Variants in ZNF28 observed in about 807,000 individuals in gnomAD.
ZNF28 encodes zinc finger protein 28.
In ZNF28, 5 loss-of-function variants were observed where a neutral mutation model predicts 7.2. The ratio of observed to expected loss-of-function variants is 0.70; its 90% CI spans 0.36 to 1.46. The LOEUF is 1.46. ZNF28 is among the 40% of genes most tolerant of loss of function. ZNF28 has a pLI of 0.03. For synonymous variants in ZNF28, 288 were observed against 292.4 expected (o/e 0.99, Z 0.15); for missense variants, 879 against 866.6 (o/e 1.01, Z -0.18).
Position 52,801,557 on chromosome 19 carries a change from G to A in ZNF28, c.288C>T (p.Gly96=), listed in dbSNP as rs2062871452. 6.2e-7 allele frequency: 1 copy of A among 1,614,188 alleles called. No individual in the cohort carries two copies. The highest frequency in any genetic ancestry group is 1.7e-5 in the Admixed American group (1 of 60,026). ...CFQKIEKDIH[G]FQFQWKEDET... is the part of the protein sequence containing the mutation. Reference sequence around the variant, plus strand: ...CATCTTCTTTCCACTGAAACTGGAAGCCATGAATGTCTTTCTCAATTTTCT... The same window carrying A: ...CATCTTCTTTCCACTGAAACTGGAAACCATGAATGTCTTTCTCAATTTTCT... The change falls in exon 4 of 4, where the codon GGC becomes GGT. Residue 96 remains glycine, a synonymous_variant. Coordinates refer to ENST00000457749, the MANE Select transcript of ZNF28 (RefSeq NM_006969.5).
chr19:52,817,902 A>C (rs1233587830), intron 2 of ZNF28, 42 bp downstream of exon 2: 5 of 1,609,286 alleles, frequency 3.1e-6, no homozygotes, highest in Non-Finnish European at 4.2e-6. Flanking sequence ...AGCGTTTCTG[A>C]AAGGAAGGAG....
chr19:52,800,158 T>G lies in ZNF28; in HGVS notation c.1687A>C (p.Lys563Gln), dbSNP rs779799240. The change falls in exon 4 of 4, where the codon AAA (lysine) becomes CAA (glutamine). Residue 563 changes from lysine to glutamine, a missense_variant. Transcript: ENST00000457749. ...CEECEKVFSR[K>Q]SHMERHRRIH... ...CTCCTATGTCTTTCCATGTGTGATT[T>G]GCGACTGAAAACTTTCTCACATTCT... is the stretch of plus-strand genomic sequence containing the variant. The G allele has an allele frequency of 1.2e-6, 2 of 1,613,724 alleles. No homozygotes were observed. The highest frequency in any genetic ancestry group is 3.3e-5 in the Admixed American group (2 of 59,966).
At chr19:52,807,569 G>C (rs948069171) in intron 3 of ZNF28, among the ~76,000 whole-genome samples, 5 of 152,140 alleles carry the variant, frequency 3.3e-5, no homozygotes, top group African/African-American at 1.2e-4. Context: ...TGGCCTCCTG[G>C]GTTCAAGTAA....
At position 52,799,956 on chromosome 19, in the gene ZNF28, G is replaced by A; in HGVS notation, c.1889C>T (p.Thr630Ile). Residue 630 changes from threonine (T) to isoleucine (I), a missense_variant, in exon 4 of 4, where the codon ACT (threonine) becomes ATT (isoleucine). Thr to Ile is a moderately conservative substitution (Grantham distance 89). Transcript: ENST00000457749. ...SSLIIHRRLH[T>I]GEKPYKCNEC... is the part of the protein sequence containing the mutation. The stretch of plus-strand genomic sequence containing the variant: ...ATTACACTTGTAAGGTTTCTCTCCA[G>A]TATGAAGCCTACGATGGATTATAAG... 6.2e-7 allele frequency: 1 copy of A among 1,612,848 alleles called. No homozygotes were observed. Among genetic ancestry groups the A allele is most frequent in the Non-Finnish European group, 8.5e-7 (1 of 1,179,668 alleles).
At chr19:52,816,062 A>T (rs2063120484) in intron 2 of ZNF28, among the ~76,000 whole-genome samples, 1 of 147,452 alleles carries the variant, frequency 6.8e-6, no homozygotes, top group Non-Finnish European at 1.5e-5. Flanking sequence ...GCTAACACAG[A>T]ACTGACAATA....
At chr19:52,812,856 G>A (rs1600469897) in intron 2 of ZNF28, among the ~76,000 whole-genome samples, 1 of 149,870 alleles carries the variant, frequency 6.7e-6, no homozygotes, top group Non-Finnish European at 1.5e-5. Flanking sequence ...TTGAGGAAAT[G>A]CATCACCCTG....
intron 2 of ZNF28, chr19:52,810,840 TC>T (rs1281875344): frequency 3.5e-4 from 44 of 127,040 alleles, no homozygotes; most frequent in African/African-American, 3.3e-3. Context: ...AAAAAAAGAG[TC>T]CCTCTCCCTC....
chr19:52,817,833 G>A, intron 2 of ZNF28, 111 bp downstream of exon 2: 11 of 1,572,838 alleles, frequency 7.0e-6, no homozygotes, highest in Non-Finnish European at 6.9e-6. Context: ...GGGTGAGGGT[G>A]AGCAAACATA....
Position 52,809,822 on chromosome 19 carries a change from AGGCGGCGGC to A in ZNF28, c.16-1698_16-1690del, listed in dbSNP as rs112288552. On this transcript the variant is annotated intron_variant, in intron 2 of 3. Transcript: ENST00000457749. ...AAAAGGAGCCCAGTCTGAGCGGCGA[AGGCGGCGGC>A]GGCGGCGGTGGCGGTGGTGGCAGTA... The A allele has an allele frequency of 3.2e-5, 17 of 527,230 alleles. 2 individuals are homozygous for A. Among genetic ancestry groups the A allele is most frequent in the Admixed American group, 2.2e-4 (6 of 27,066 alleles). The allele number at this position is 527,230 out of a possible 1,614,324, so 32.7% of individuals were successfully genotyped here. A position where few individuals can be genotyped will look rare whatever the true frequency, so the allele number is the denominator to read the frequency against.
At position 52,800,688 on chromosome 19, in the gene ZNF28, T is replaced by G; in HGVS notation, c.1157A>C (p.Glu386Ala). ...LHTGEKPYEC[E>A]ECEKVFSRKS... ...GCGACTGAAAACTTTTTCACATTCTTCACATTCATAAGGTTTCTCTCCAGT... is the reference window on the plus strand; with the variant it reads ...GCGACTGAAAACTTTTTCACATTCTGCACATTCATAAGGTTTCTCTCCAGT... The change falls in exon 4 of 4, where the codon GAA becomes GCA. Residue 386 changes from glutamate (E) to alanine (A), a missense_variant. By Grantham distance (107) the Glu-to-Ala change is moderately radical. Coordinates refer to ENST00000457749, the MANE Select transcript of ZNF28 (RefSeq NM_006969.5). 2 of 1,613,998 alleles carry G rather than the reference T, an allele frequency of 1.2e-6. No individual in the cohort carries two copies. The highest frequency in any genetic ancestry group is 2.2e-5 in the South Asian group (2 of 91,082).
At position 52,799,566 on chromosome 19, in the gene ZNF28, G is replaced by T; in HGVS notation, c.*122C>A. The T allele has an allele frequency of 6.6e-7, 1 of 1,524,492 alleles. No homozygotes were observed. Among genetic ancestry groups the T allele is most frequent in the Non-Finnish European group, 9.0e-7 (1 of 1,107,820 alleles). 94.4% of individuals were successfully genotyped at this position (1,524,492 alleles called of 1,614,324 possible). A position where few individuals can be genotyped will look rare whatever the true frequency, so the allele number is the denominator to read the frequency against. ...AATGGCTTTGTGACTTACAAGGGTTGAATTGTGATGGAAGGTGTTGCCACA... is the reference window on the plus strand; with the variant it reads ...AATGGCTTTGTGACTTACAAGGGTTTAATTGTGATGGAAGGTGTTGCCACA... On this transcript the variant is annotated 3_prime_UTR_variant, in exon 4 of 4. Transcript: ENST00000457749.
chr19:52,818,013 G>T lies in ZNF28; in HGVS notation c.-55C>A. On this transcript the variant is annotated 5_prime_UTR_variant, in exon 2 of 4. Coordinates refer to ENST00000457749, the MANE Select transcript of ZNF28 (RefSeq NM_006969.5). The stretch of plus-strand genomic sequence containing the variant: ...TCTGGGTTTCTTCCTCACGTACCAA[G>T]ATTCTTTAGAAGTCAATCCTGAATG... 6.2e-7 allele frequency: 1 copy of T among 1,607,966 alleles called. No homozygotes were observed. Among genetic ancestry groups the T allele is most frequent in the Non-Finnish European group, 8.5e-7 (1 of 1,178,204 alleles).
At chr19:52,808,230 T>G (rs2062962320) in intron 2 of ZNF28, 97 bp from the exon 3 acceptor site, 1 of 1,550,156 alleles carries the variant, frequency 6.5e-7, no homozygotes, top group Admixed American at 2.1e-5. Flanking sequence ...TTAGTTGTAG[T>G]GAATGTTCTC....
rs1378941187 is a variant in ZNF28 at position 52,800,747 on chromosome 19, T to A, written c.1098A>T (p.Arg366=). The change falls in exon 4 of 4, where the codon CGA becomes CGT. Residue 366 remains arginine, a synonymous_variant. Transcript: ENST00000457749. ...KCNECGKVFN[R]LSTLARHRRL... ...TACGATGGCGTGCAAGGGTTGACAG[T>A]CGATTAAAAACCTTGCCACATTCAT... 2 of 1,613,528 alleles carry A rather than the reference T, an allele frequency of 1.2e-6. No homozygotes were observed. Among genetic ancestry groups the A allele is most frequent in the Admixed American group, 3.3e-5 (2 of 59,946 alleles).
intron 2 of ZNF28, among the ~76,000 whole-genome samples, chr19:52,816,993 C>T (rs973065623): frequency 3.3e-5 from 5 of 152,040 alleles, no homozygotes; most frequent in Non-Finnish European, 5.9e-5. Context: ...TCCACAGTAA[C>T]ACCATAGTCT....
At chr19:52,801,984 C>G (rs1266497659) in intron 3 of ZNF28, among the ~76,000 whole-genome samples, 1 of 152,016 alleles carries the variant, frequency 6.6e-6, no homozygotes, top group African/African-American at 2.4e-5. Context: ...CACTGTGACC[C>G]TAAAGTGTAT....
Position 52,798,376 on chromosome 19 carries a change from T to C in ZNF28, c.*1312A>G. 2.7e-6 allele frequency: 1 copy of C among 365,378 alleles called. No homozygotes were observed. Among genetic ancestry groups the C allele is most frequent in the Non-Finnish European group, 5.4e-6 (1 of 185,938 alleles). 22.6% of individuals were successfully genotyped at this position (365,378 alleles called of 1,614,324 possible). ...TTAAGTCAACTCAAACTCAGGTCAG[T>C]GCTCATTTAACTGTAATGTCAATTA... On this transcript the variant is annotated 3_prime_UTR_variant, in exon 4 of 4. Coordinates refer to ENST00000457749, the MANE Select transcript of ZNF28 (RefSeq NM_006969.5).
intron 2 of ZNF28, among the ~76,000 whole-genome samples, chr19:52,812,597 TA>T (rs2063066177): frequency 1.6e-5 from 2 of 128,520 alleles, no homozygotes; most frequent in Admixed American, 1.6e-4. Context: ...CACCACTCCC[TA>T]ATCTCAAGTA....
chr19:52,810,437 T>A, intron 2 of ZNF28: 1 of 1,600,934 alleles, frequency 6.2e-7, no homozygotes. Context: ...CCAAAGGGTT[T>A]GCATATATAG....
Sources: gnomAD v4.1 joint callset for allele counts (sites outside exome capture counted in the v4.1 genomes callset) on GRCh38, gnomAD v4.1.1 for gene constraint, MANE v1.5 for transcripts, NCBI Gene and HGNC (gene_info 2026-07-23, HGNC 2026-07-21) for gene names.